Variants in MAPT observed in about 807,000 individuals in gnomAD.
MAPT encodes the protein microtubule associated protein tau, also known as microtubule-associated protein tau.
Under a neutral mutation model 67.9 loss-of-function variants are expected in MAPT, and 34 were observed. That is an observed-to-expected ratio of 0.50 (90% CI 0.38 to 0.67). The LOEUF is 0.67. Among genes scored for constraint, MAPT ranks in the 30% least tolerant of loss-of-function variants. The probability of loss-of-function intolerance (pLI) is 0.00; values close to 1 mark genes in which losing one functional copy is unlikely to be tolerated. For missense variants in MAPT, 881 were observed against 1,115.2 expected (o/e 0.79, Z 2.99); for synonymous variants, 456 against 464.5 (o/e 0.98, Z 0.23).
chr17:45,900,624 T>C (rs1357895885), intron 1 of MAPT, among the ~76,000 whole-genome samples: 1 of 152,166 alleles, frequency 6.6e-6, no homozygotes. Flanking sequence ...CAAGGAAGGT[T>C]TGGGAGCAGC....
intron 9 of MAPT, among the ~76,000 whole-genome samples, chr17:46,001,015 G>T (rs988420038): frequency 5.3e-5 from 8 of 152,210 alleles, no homozygotes; most frequent in Admixed American, 5.2e-4. Flanking sequence ...GATCACTTGA[G>T]TCCAGGAGTT....
chr17:45,950,141 A>G (rs1037619870), intron 1 of MAPT, among the ~76,000 whole-genome samples: 2 of 151,786 alleles, frequency 1.3e-5, no homozygotes, highest in Admixed American at 1.3e-4. Context: ...CAGGTCCTTT[A>G]CCCACCTAGG....
chr17:45,961,788 T>G (rs997763737), intron 1 of MAPT, among the ~76,000 whole-genome samples: 2 of 151,424 alleles, frequency 1.3e-5, no homozygotes, highest in African/African-American at 4.9e-5. Flanking sequence ...TTTTTTTTTT[T>G]GTTTTGAGAC....
intron 1 of MAPT, among the ~76,000 whole-genome samples, chr17:45,936,364 C>T (rs1021816026): frequency 2.6e-5 from 4 of 152,250 alleles, no homozygotes; most frequent in Admixed American, 1.3e-4. Flanking sequence ...CTGGCCCACT[C>T]TCCTGCCCAC....
Position 45,996,579 on chromosome 17 carries a change from C to A in MAPT, c.1913C>A (p.Ala638Asp). ...PSSAKSRLQT[A>D]PVPMPDLKNV... Reference sequence around the variant, plus strand: ...TCCGCCAAGAGCCGCCTGCAGACAGCCCCCGTGCCCATGCCAGACCTGAAG... The same window carrying A: ...TCCGCCAAGAGCCGCCTGCAGACAGACCCCGTGCCCATGCCAGACCTGAAG... The change falls in exon 9 of 13, where the codon GCC becomes GAC. Residue 638 changes from alanine to aspartate, a missense_variant. Physicochemically the swap from Ala to Asp is moderately radical, Grantham distance 126. Coordinates refer to ENST00000262410, the MANE Select transcript of MAPT (RefSeq NM_001377265.1). This position sits in a 1 kb window ranked among gnomAD's most constrained non-coding sequence, Gnocchi z 4.5. 6.2e-7 allele frequency: 1 copy of A among 1,613,756 alleles called. No homozygotes were observed. The highest frequency in any genetic ancestry group is 8.5e-7 in the Non-Finnish European group (1 of 1,179,844).
intron 2 of MAPT, among the ~76,000 whole-genome samples, chr17:45,969,781 ATCCT>A (rs769516508): frequency 7.2e-5 from 11 of 151,920 alleles, no homozygotes; most frequent in South Asian, 2.1e-4. Context: ...TTATCCATCC[ATCCT>A]TCCTTCCATC....
intron 1 of MAPT, among the ~76,000 whole-genome samples, chr17:45,956,138 G>A (rs879382042): frequency 1.3e-5 from 2 of 152,216 alleles, no homozygotes; most frequent in Non-Finnish European, 2.9e-5. Context: ...ACCAGGCCCA[G>A]GTCAAGCCTG....
At chr17:46,019,361 G>C (rs2076383164) in intron 12 of MAPT, among the ~76,000 whole-genome samples, 1 of 152,112 alleles carries the variant, frequency 6.6e-6, no homozygotes, top group Non-Finnish European at 1.5e-5. Context: ...TTCAAGATGA[G>C]ATTTGGGTGG....
chr17:45,964,196 GT>G (rs373491850), intron 2 of MAPT, among the ~76,000 whole-genome samples: 1 of 150,624 alleles, frequency 6.6e-6, no homozygotes, highest in Non-Finnish European at 1.5e-5. Flanking sequence ...CCTTTGTTTT[GT>G]TTTTTTTTGT....
intron 10 of MAPT, among the ~76,000 whole-genome samples, chr17:46,013,675 G>A (rs939622382): frequency 6.6e-6 from 1 of 152,160 alleles, no homozygotes; most frequent in African/African-American, 2.4e-5. Context: ...GATGGTCTTT[G>A]CTCTAGTGCT....
At position 45,896,090 on chromosome 17, in the gene MAPT, C is replaced by T. The variant is rs1478514733; in HGVS notation, c.-18+1404C>T. The T allele has an allele frequency of 2.0e-5, 3 of 152,308 alleles. No individual in the cohort carries two copies. The highest frequency in any genetic ancestry group is 2.9e-5 in the Non-Finnish European group (2 of 68,098). The allele number at this position is 152,308 out of a possible 1,614,324, so 9.4% of individuals were successfully genotyped here. Reference sequence around the variant, plus strand: ...ATGCGCCTCTCTTTCCTTTTTCGCTCCTCATTTCCGAGCCCATTGTTGGAT... The same window carrying T: ...ATGCGCCTCTCTTTCCTTTTTCGCTTCTCATTTCCGAGCCCATTGTTGGAT... On this transcript the variant is annotated intron_variant, in intron 1 of 12. Coordinates refer to ENST00000262410, the MANE Select transcript of MAPT (RefSeq NM_001377265.1). The surrounding 1 kb of genome is among the most constrained non-coding windows in gnomAD (Gnocchi z 5.6).
chr17:45,923,456 G>T (rs1218769415), intron 1 of MAPT, among the ~76,000 whole-genome samples: 3 of 152,220 alleles, frequency 2.0e-5, no homozygotes, highest in Non-Finnish European at 4.4e-5. Context: ...GGCTGTCCCT[G>T]ATTTACTTGT....
At chr17:45,899,971 C>T (rs1361570653) in intron 1 of MAPT, among the ~76,000 whole-genome samples, 1 of 152,132 alleles carries the variant, frequency 6.6e-6, no homozygotes, top group Non-Finnish European at 1.5e-5. Context: ...GACGTAGATT[C>T]AGTGTGGCCA....
At chr17:45,928,951 A>G (rs903368425) in intron 1 of MAPT, among the ~76,000 whole-genome samples, 2 of 152,116 alleles carry the variant, frequency 1.3e-5, no homozygotes, top group Admixed American at 6.6e-5. Flanking sequence ...CTGCCTCATC[A>G]GCCTCCCAGA....
At position 46,027,235 on chromosome 17, in the gene MAPT, T is replaced by G. The variant is rs2076844563; in HGVS notation, c.*3064T>G. 1 of 147,010 alleles carries G rather than the reference T, an allele frequency of 6.8e-6. No homozygotes were observed. The highest frequency in any genetic ancestry group is 2.1e-4 in the South Asian group (1 of 4,694). 9.1% of individuals were successfully genotyped at this position (147,010 alleles called of 1,614,324 possible). ...CCTTCTTATACGGAAGGCTCTGGGATCTCCCCCTTGTGGGGCAGGCTCTTG... is the reference window on the plus strand; with the variant it reads ...CCTTCTTATACGGAAGGCTCTGGGAGCTCCCCCTTGTGGGGCAGGCTCTTG... On this transcript the variant is annotated 3_prime_UTR_variant, in exon 13 of 13. Coordinates refer to ENST00000262410, the MANE Select transcript of MAPT (RefSeq NM_001377265.1).
chr17:45,940,440 G>C (rs573404261), intron 1 of MAPT, among the ~76,000 whole-genome samples: 3 of 152,310 alleles, frequency 2.0e-5, no homozygotes, highest in South Asian at 2.1e-4. Flanking sequence ...CCCATAGGGC[G>C]TAGTGAGGAT....
At chr17:45,912,432 G>A (rs1025707699) in intron 1 of MAPT, among the ~76,000 whole-genome samples, 8 of 152,198 alleles carry the variant, frequency 5.3e-5, no homozygotes, top group African/African-American at 1.9e-4. Context: ...AGAGAGAGAT[G>A]GAAAACACAG....
intron 1 of MAPT, among the ~76,000 whole-genome samples, chr17:45,929,937 C>T (rs2066691497): frequency 1.3e-5 from 2 of 152,136 alleles, no homozygotes; most frequent in East Asian, 3.9e-4. Context: ...TATCCAGTTC[C>T]TGCAATATCC....
At chr17:45,981,566 G>A (rs1219774104) in intron 4 of MAPT, among the ~76,000 whole-genome samples, 3 of 152,196 alleles carry the variant, frequency 2.0e-5, no homozygotes, top group Non-Finnish European at 4.4e-5. Flanking sequence ...TCTGTGGTCA[G>A]TGACCTGGAT....
Sources: allele counts gnomAD v4.1 joint callset (sites outside exome capture counted in the v4.1 genomes callset), GRCh38; gene constraint gnomAD v4.1.1; non-coding constraint Gnocchi (gnomAD v3.1); transcripts MANE v1.5; gene names NCBI Gene and HGNC (gene_info 2026-07-23, HGNC 2026-07-21).